Variants in NAV2 observed in about 807,000 individuals in gnomAD.
NAV2 encodes neuron navigator 2, also known as helicase, APC down-regulated 1.
Under a neutral mutation model 223.2 loss-of-function variants are expected in NAV2, and 54 were observed. That is an observed-to-expected ratio of 0.24 (90% CI 0.19 to 0.30). The LOEUF (loss-of-function observed/expected upper bound fraction) is 0.30, where lower values mean the gene tolerates loss of function less well. Ranked by LOEUF, NAV2 falls within the 10% of genes least tolerant of loss-of-function variation. NAV2 has a pLI of 1.00. For missense variants in NAV2, 2,806 were observed against 3,147.5 expected (o/e 0.89, Z 2.60); for synonymous variants, 1,279 against 1,239.3 (o/e 1.03, Z -0.67).
intron 3 of NAV2, among the ~76,000 whole-genome samples, chr11:19,861,622 C>G (rs2061796697): frequency 6.6e-6 from 1 of 152,156 alleles, no homozygotes; most frequent in Non-Finnish European, 1.5e-5. Context: ...TTAGTAAATG[C>G]CAGAAACAAG....
intron 4 of NAV2, among the ~76,000 whole-genome samples, chr11:19,872,410 A>G (rs1202170404): frequency 6.6e-6 from 1 of 152,252 alleles, no homozygotes; most frequent in Non-Finnish European, 1.5e-5. Context: ...GCAGTGGCTA[A>G]ACTACCCACA....
At chr11:19,963,033 C>A (rs183069906) in intron 10 of NAV2, among the ~76,000 whole-genome samples, 1 of 152,116 alleles carries the variant, frequency 6.6e-6, no homozygotes, top group Non-Finnish European at 1.5e-5. Flanking sequence ...AAACATGGGA[C>A]GAAATAAATG....
At chr11:20,090,758 T>C (rs1592097578) in intron 26 of NAV2, 107 bp from the exon 27 acceptor site, 1 of 1,173,438 alleles carries the variant, frequency 8.5e-7, no homozygotes, top group Admixed American at 2.2e-5. Context: ...ACCAGGCAGC[T>C]GGTTATTCAC....
intron 5 of NAV2, among the ~76,000 whole-genome samples, chr11:19,884,785 GT>G (rs1565492270): frequency 4.2e-5 from 5 of 119,696 alleles, no homozygotes; most frequent in East Asian, 2.1e-4. Context: ...GCTTTGTGTT[GT>G]TGTTGTTGTT....
At chr11:19,512,672 T>C (rs2043316166) in intron 1 of NAV2, among the ~76,000 whole-genome samples, 1 of 152,226 alleles carries the variant, frequency 6.6e-6, no homozygotes, top group South Asian at 2.1e-4. Context: ...GCCACTTTCC[T>C]GTTTCACCCT....
At chr11:19,928,981 G>A (rs186461382) in intron 6 of NAV2, among the ~76,000 whole-genome samples, 38 of 152,232 alleles carry the variant, frequency 2.5e-4, no homozygotes, top group Admixed American at 9.2e-4. Context: ...AAGGCCAGGC[G>A]CGGTGGCTCA....
intron 1 of NAV2, among the ~76,000 whole-genome samples, chr11:19,455,023 C>T (rs1434800284): frequency 4.6e-5 from 7 of 152,200 alleles, no homozygotes; most frequent in Non-Finnish European, 7.3e-5. Flanking sequence ...GAATCACAGA[C>T]TCTGGGGGTC....
intron 8 of NAV2, among the ~76,000 whole-genome samples, chr11:19,945,348 TTTCCTTCC>T (rs2046853002): frequency 6.6e-6 from 1 of 151,364 alleles, no homozygotes; most frequent in African/African-American, 2.4e-5. Context: ...TTTCCTTCCC[TTTCCTTCC>T]CTTCCCTTCC....
At chr11:20,025,000 A>G (rs1340791265) in intron 11 of NAV2, among the ~76,000 whole-genome samples, 2 of 152,226 alleles carry the variant, frequency 1.3e-5, no homozygotes, top group Non-Finnish European at 2.9e-5. Context: ...CTGAGTTCTT[A>G]TATGACCATG....
In NAV2 at chr11:20,049,920, G is replaced by A. The variant is rs774139969; in HGVS notation, c.4436+19G>A. On this transcript the variant is annotated intron_variant, in intron 16 of 37. Coordinates refer to ENST00000349880, the MANE Select transcript of NAV2 (RefSeq NM_145117.5). Reference sequence around the variant, plus strand: ...AGGACAGGTAATGACATTGCAGGCCGGGGACCAACCGAGCCTCTAGGTTCT... The same window carrying A: ...AGGACAGGTAATGACATTGCAGGCCAGGGACCAACCGAGCCTCTAGGTTCT... 25 of 1,612,598 alleles carry A rather than the reference G, an allele frequency of 1.6e-5. No homozygotes were observed. Among genetic ancestry groups the A allele is most frequent in the East Asian group, 2.2e-5 (1 of 44,842 alleles).
intron 19 of NAV2, chr11:20,056,503 T>C: frequency 6.5e-7 from 1 of 1,531,204 alleles, no homozygotes; most frequent in Non-Finnish European, 9.1e-7. Context: ...TGGGGTTGGA[T>C]TTTTATGTTT....
intron 1 of NAV2, among the ~76,000 whole-genome samples, chr11:19,436,784 C>A (rs910987011): frequency 7.9e-5 from 12 of 151,898 alleles, no homozygotes; most frequent in Non-Finnish European, 1.3e-4. Context: ...ATATTTTATG[C>A]TTTTCAGTAT....
intron 1 of NAV2, among the ~76,000 whole-genome samples, chr11:19,376,697 C>G (rs1440038156): frequency 1.3e-5 from 2 of 152,166 alleles, no homozygotes; most frequent in African/African-American, 4.8e-5. Context: ...GGGAAGACAG[C>G]AAGTGAAGGG....
chr11:19,420,891 A>G (rs766406406), intron 1 of NAV2, among the ~76,000 whole-genome samples: 9 of 152,206 alleles, frequency 5.9e-5, no homozygotes, highest in Admixed American at 2.6e-4. Flanking sequence ...TTATGCTTCA[A>G]TTAAAAGCTA....
At chr11:19,405,342 G>A (rs773373599) in intron 1 of NAV2, among the ~76,000 whole-genome samples, 1 of 152,134 alleles carries the variant, frequency 6.6e-6, no homozygotes, top group African/African-American at 2.4e-5. Flanking sequence ...CCCAAATTCT[G>A]ACATTGGACT....
intron 1 of NAV2, among the ~76,000 whole-genome samples, chr11:19,427,148 G>C (rs571350920): frequency 4.6e-5 from 7 of 152,264 alleles, no homozygotes; most frequent in Admixed American, 4.6e-4. Context: ...CCAAGCTGTG[G>C]CTCCTTTGTT....
At chr11:19,369,536 T>A (rs1407005361) in intron 1 of NAV2, among the ~76,000 whole-genome samples, 2 of 152,144 alleles carry the variant, frequency 1.3e-5, no homozygotes, top group Admixed American at 6.5e-5. Flanking sequence ...TGCTGTGTGG[T>A]TCATTTTTAG....
chr11:19,702,967 T>C (rs2049553096), intron 1 of NAV2, among the ~76,000 whole-genome samples: 1 of 151,202 alleles, frequency 6.6e-6, no homozygotes, highest in African/African-American at 2.4e-5. Flanking sequence ...TAATAGTCCC[T>C]AATTTACCCC....
chr11:20,085,813 G>A (rs2060399825), intron 26 of NAV2, among the ~76,000 whole-genome samples: 1 of 152,180 alleles, frequency 6.6e-6, no homozygotes, highest in Admixed American at 6.5e-5. Flanking sequence ...GAACCTGCAG[G>A]AGGGTTTTAA....
Sources: allele counts gnomAD v4.1 joint callset (sites outside exome capture counted in the v4.1 genomes callset), GRCh38; gene constraint gnomAD v4.1.1; transcripts MANE v1.5; gene names NCBI Gene and HGNC (gene_info 2026-07-23, HGNC 2026-07-21).